The following ANKRD17 variants were observed in gnomAD, a reference collection of about 807,000 sequenced individuals.
The protein encoded by ANKRD17 is ankyrin repeat domain 17.
A neutral mutation model predicts 229.7 loss-of-function variants in ANKRD17; 19 were observed. The ratio of observed to expected loss-of-function variants is 0.08; its 90% confidence interval spans 0.06 to 0.12. The LOEUF is 0.12. Ranked by LOEUF, ANKRD17 falls within the 10% of genes least tolerant of loss-of-function variation. The pLI is 1.00. For missense variants in ANKRD17, 2,176 were observed against 3,176.8 expected, an observed-to-expected ratio of 0.68 and a Z score of 7.57; for synonymous variants, 1,112 against 1,146.1, an observed-to-expected ratio of 0.97 and a Z score of 0.60.
chr4:73,254,707 G>A (rs1745308841), intron 1 of ANKRD17, among the ~76,000 whole-genome samples: 1 of 151,648 alleles, frequency 6.6e-6, no homozygotes, highest in African/African-American at 2.4e-5. Context: ...GGTGGAAGTT[G>A]CAGTGAGCCG....
chr4:73,158,556 C>T (rs940572480), intron 3 of ANKRD17, among the ~76,000 whole-genome samples: 15 of 130,950 alleles, frequency 1.1e-4, no homozygotes, highest in East Asian at 6.8e-4. Flanking sequence ...TCTCTGACCA[C>T]GCTATTAAAA....
chr4:73,226,389 GTTTTTT>G (rs1157719883), intron 1 of ANKRD17, among the ~76,000 whole-genome samples: 18 of 87,612 alleles, frequency 2.1e-4, no homozygotes, highest in African/African-American at 7.5e-4. Context: ...CTTTTCTTCT[GTTTTTT>G]TTTTTTTTTT....
chr4:73,085,174 T>G, intron 30 of ANKRD17, 75 bp downstream of exon 30: 5 of 1,445,084 alleles, frequency 3.5e-6, no homozygotes, highest in Non-Finnish European at 4.8e-6. Context: ...ATTAAAATTA[T>G]GATGAGGTTT....
At chr4:73,240,458 CAA>C (rs34164034) in intron 1 of ANKRD17, among the ~76,000 whole-genome samples, 71 of 114,788 alleles carry the variant, frequency 6.2e-4, no homozygotes, top group East Asian at 7.1e-4. Flanking sequence ...ACTATCTCTA[CAA>C]AAAAAAAAAA....
intron 29 of ANKRD17, among the ~76,000 whole-genome samples, chr4:73,087,291 C>T (rs2110136660): frequency 6.6e-6 from 1 of 151,956 alleles, no homozygotes; most frequent in Non-Finnish European, 1.5e-5. Context: ...CACAATGTTG[C>T]CCAGGCAGGT....
intron 1 of ANKRD17, among the ~76,000 whole-genome samples, chr4:73,250,050 T>C (rs889207310): frequency 6.6e-6 from 1 of 152,184 alleles, no homozygotes; most frequent in African/African-American, 2.4e-5. Flanking sequence ...TGTGCAGATG[T>C]AGCATAGCAT....
At chr4:73,193,676 C>A (rs542694547) in intron 1 of ANKRD17, among the ~76,000 whole-genome samples, 1 of 152,210 alleles carries the variant, frequency 6.6e-6, no homozygotes, top group East Asian at 1.9e-4. Context: ...CTCACATCTG[C>A]AATTGGAGCA....
rs768998126 is a variant in ANKRD17 at position 73,076,288 on chromosome 4, C to T, written c.7755G>A (p.Val2585=). 7 of 1,602,612 alleles carry T rather than the reference C, an allele frequency of 4.4e-6. No individual in the cohort carries two copies. In the African/African-American group the frequency reaches 9.4e-5, roughly 22 times the overall value. ...TGTGAGGTGCCCAGGGTCCAGTCCA[C>T]ACCTATGAATATAGAGCATGCATTT... is the stretch of plus-strand genomic sequence containing the variant. ...SSTENNGPQT[V]WTGPWAPHMN... is the part of the protein sequence containing the mutation. Residue 2585 remains valine (V), a splice_region_variant and synonymous_variant, in exon 34 of 34, where the codon GTG becomes GTA. Coordinates refer to ENST00000358602, the MANE Select transcript of ANKRD17 (RefSeq NM_032217.5).
At chr4:73,193,661 T>G (rs1737436409) in intron 1 of ANKRD17, among the ~76,000 whole-genome samples, 1 of 152,150 alleles carries the variant, frequency 6.6e-6, no homozygotes, top group Non-Finnish European at 1.5e-5. Flanking sequence ...GCTGGGTCCC[T>G]GAGGCTCACA....
chr4:73,149,332 A>C (rs1228026406), intron 7 of ANKRD17, among the ~76,000 whole-genome samples: 1 of 152,200 alleles, frequency 6.6e-6, no homozygotes, highest in African/African-American at 2.4e-5. Context: ...TAAGTATGTG[A>C]AATAAGAGAC....
At chr4:73,135,326 T>A (rs746835238) in intron 15 of ANKRD17, 61 bp from the exon 16 acceptor site, 2 of 1,479,940 alleles carry the variant, frequency 1.4e-6, no homozygotes, top group Non-Finnish European at 9.2e-7. Context: ...TACTAAGACA[T>A]ATTCACTCAA....
intron 1 of ANKRD17, among the ~76,000 whole-genome samples, chr4:73,206,948 C>A (rs1299623266): frequency 6.6e-6 from 1 of 152,008 alleles, no homozygotes; most frequent in Non-Finnish European, 1.5e-5. Context: ...CTCAGCCTCC[C>A]GAATAGCTGG....
chr4:73,155,617 G>A lies in ANKRD17; in HGVS notation c.1000+14C>T. The A allele has an allele frequency of 6.2e-7, 1 of 1,612,546 alleles. No individual in the cohort carries two copies. On this transcript the variant is annotated intron_variant, in intron 5 of 33. Coordinates refer to ENST00000358602, the MANE Select transcript of ANKRD17 (RefSeq NM_032217.5). ...GTTACTATGTAGTAAAACTGAAAAAGAAATAGGCATGACCTGTTGAAGACT... is the reference window on the plus strand; with the variant it reads ...GTTACTATGTAGTAAAACTGAAAAAAAAATAGGCATGACCTGTTGAAGACT...
chr4:73,126,254 C>A lies in ANKRD17; in HGVS notation c.3235-942G>T, dbSNP rs138837271. ...AGCTGAGTTTTGATCAGTCCATGTG[C>A]ATGAGGAAATTATCCCAGGCCAGGA... is the stretch of plus-strand genomic sequence containing the variant. On this transcript the variant is annotated intron_variant, in intron 16 of 33. Coordinates refer to ENST00000358602, the MANE Select transcript of ANKRD17 (RefSeq NM_032217.5). Among the ~76,000 whole-genome samples the A allele has an allele frequency of 2.6e-4, 39 of 152,220 alleles. 1 individual carries two copies. Among genetic ancestry groups the A allele is most frequent in the Middle Eastern group, 3.4e-3 (1 of 294 alleles).
At position 73,118,768 on chromosome 4, in the gene ANKRD17, G is replaced by T. The variant is rs148323248; in HGVS notation, c.4108C>A (p.Gln1370Lys). The change falls in exon 22 of 34, where the codon CAG becomes AAG. Residue 1370 changes from glutamine (Q) to lysine (K), a missense_variant. Coordinates refer to ENST00000358602, the MANE Select transcript of ANKRD17 (RefSeq NM_032217.5). ...AANGGHLDVV[Q>K]LLVQAGADVD... ...TCTGCACCTGCTTGCACCAGTAACT[G>T]AACCACATCGAGGTGTCCACCATTT... 3.7e-6 allele frequency: 6 copies of T among 1,613,650 alleles called. No individual in the cohort carries two copies. The highest frequency in any genetic ancestry group is 5.1e-6 in the Non-Finnish European group (6 of 1,179,926).
chr4:73,238,483 T>G (rs1431170602), intron 1 of ANKRD17, among the ~76,000 whole-genome samples: 1 of 152,128 alleles, frequency 6.6e-6, no homozygotes, highest in South Asian at 2.1e-4. Flanking sequence ...CCAAGATTAA[T>G]CCATGAATGT....
At chr4:73,126,809 G>C (rs1727533830) in intron 16 of ANKRD17, among the ~76,000 whole-genome samples, 1 of 152,116 alleles carries the variant, frequency 6.6e-6, no homozygotes, top group Admixed American at 6.5e-5. Flanking sequence ...TTGGCTGTCT[G>C]CAATCTCTGC....
intron 1 of ANKRD17, among the ~76,000 whole-genome samples, chr4:73,224,372 C>G (rs1426303457): frequency 6.6e-6 from 1 of 152,094 alleles, no homozygotes; most frequent in Non-Finnish European, 1.5e-5. Flanking sequence ...TACTCTTGGG[C>G]CTCAATTTAT....
chr4:73,094,294 G>C (rs1400925986), intron 27 of ANKRD17, 66 bp from the exon 28 acceptor site: 1 of 1,409,896 alleles, frequency 7.1e-7, no homozygotes, highest in South Asian at 1.2e-5. Context: ...ATTTTTAAAA[G>C]AGGAAAGAGT....
Sources: gnomAD v4.1 joint callset for allele counts (sites outside exome capture counted in the v4.1 genomes callset) on GRCh38, gnomAD v4.1.1 for gene constraint, MANE v1.5 for transcripts, NCBI Gene and HGNC (gene_info 2026-07-23, HGNC 2026-07-21) for gene names.